Variants in OPRM1 observed in about 807,000 individuals in gnomAD.
OPRM1 encodes the protein opioid receptor mu 1, also known as mu-type opioid receptor.
Under a neutral mutation model 31.8 loss-of-function variants are expected in OPRM1, and 27 were observed. The observed-to-expected ratio is 0.85, with a 90% CI of 0.63 to 1.17. The LOEUF (loss-of-function observed/expected upper bound fraction) is 1.17. OPRM1 is among the 50% of genes most tolerant of loss of function. The probability of loss-of-function intolerance (pLI) is 0.00; values close to 1 mark genes in which losing one functional copy is unlikely to be tolerated. For synonymous variants in OPRM1, 196 were observed against 189.9 expected, an observed-to-expected ratio of 1.03 and a Z score of -0.26; for missense variants, 536 against 511.1, an observed-to-expected ratio of 1.05 and a Z score of -0.47.
At position 154,200,150 on chromosome 6, in the gene OPRM1, A is replaced by C. The variant is rs1011781400; in HGVS notation, c.1165-46543A>C. The C allele has an allele frequency of 6.1e-6, 6 of 987,710 alleles. No individual in the cohort carries two copies. The African/African-American group carries it at 9.9e-5, about 16-fold the overall frequency. 61.2% of individuals were successfully genotyped at this position (987,710 alleles called of 1,614,324 possible). A position where few individuals can be genotyped will look rare whatever the true frequency, so the allele number is the denominator to read the frequency against. The stretch of plus-strand genomic sequence containing the variant: ...TGTCCCCGTGTTATTTCAAAAAGTG[A>C]CCAATAATAAAAGAGTCAAAAGGTA... On this transcript the variant is annotated intron_variant, in intron 3 of 3. Transcript: ENST00000337049.
chr6:154,063,926 G>A (rs973824256), intron 1 of OPRM1, among the ~76,000 whole-genome samples: 3 of 152,002 alleles, frequency 2.0e-5, no homozygotes, highest in Non-Finnish European at 4.4e-5. Context: ...CTATGCTTTA[G>A]TAATTCTGAA....
chr6:154,066,408 T>A (rs1248105334), intron 1 of OPRM1, among the ~76,000 whole-genome samples: 2 of 152,116 alleles, frequency 1.3e-5, no homozygotes, highest in East Asian at 3.8e-4. Context: ...AGGGCTTTTG[T>A]TTATTGGGAG....
chr6:154,074,935 A>G (rs919007581), intron 1 of OPRM1, among the ~76,000 whole-genome samples: 13 of 152,152 alleles, frequency 8.5e-5, no homozygotes, highest in Admixed American at 8.5e-4. Context: ...GCAATATTGG[A>G]AGAAATAATA....
At chr6:154,234,872 A>T (rs994802437) in intron 3 of OPRM1, among the ~76,000 whole-genome samples, 3 of 152,198 alleles carry the variant, frequency 2.0e-5, no homozygotes, top group Non-Finnish European at 4.4e-5. Flanking sequence ...GGAAACCTCA[A>T]ATTTAAAAGA....
At chr6:154,050,641 G>A (rs753433395) in intron 1 of OPRM1, among the ~76,000 whole-genome samples, 1 of 151,868 alleles carries the variant, frequency 6.6e-6, no homozygotes, top group Admixed American at 6.6e-5. Context: ...GGAGGAGGTG[G>A]GGATTGCTAA....
rs985458873 is a variant in OPRM1 at position 154,126,636 on chromosome 6, G to C, written c.*7915G>C. Among the ~76,000 whole-genome samples, 5 of 152,118 alleles carry C rather than the reference G, an allele frequency of 3.3e-5. No individual in the cohort carries two copies. The highest frequency in any genetic ancestry group is 7.3e-5 in the Non-Finnish European group (5 of 68,028). On this transcript the variant is annotated 3_prime_UTR_variant, in exon 4 of 4. Transcript: ENST00000330432. ...TGTGACACCGAAACAACCAAGCCTA[G>C]AATCAGCTGGTGCCTCTTTTCATCT...
At chr6:154,078,534 A>T (rs1053706102) in intron 1 of OPRM1, among the ~76,000 whole-genome samples, 1 of 152,224 alleles carries the variant, frequency 6.6e-6, no homozygotes, top group African/African-American at 2.4e-5. Flanking sequence ...TGAAAAAGGA[A>T]AATGTTTTTA....
At chr6:154,231,760 T>G (rs1779740655) in intron 3 of OPRM1, among the ~76,000 whole-genome samples, 1 of 152,128 alleles carries the variant, frequency 6.6e-6, no homozygotes, top group South Asian at 2.1e-4. Flanking sequence ...AGAACAGAGA[T>G]GCGAAGGAGA....
chr6:154,123,785 A>T lies in OPRM1; in HGVS notation c.*5064A>T, dbSNP rs536328735. 6.6e-6 allele frequency among the ~76,000 whole-genome samples: 1 copy of T among 152,204 alleles called. No homozygotes were observed. The highest frequency in any genetic ancestry group is 2.4e-5 in the African/African-American group (1 of 41,460). ...GGTACTGGTGGGAATGTTTTTTAGC[A>T]TGCTAATGCAATATAATTAGTGTAT... On this transcript the variant is annotated 3_prime_UTR_variant, in exon 4 of 4. Transcript: ENST00000330432.
intron 3 of OPRM1, among the ~76,000 whole-genome samples, chr6:154,103,061 A>T (rs1166756820): frequency 1.3e-5 from 2 of 152,224 alleles, no homozygotes; most frequent in African/African-American, 2.4e-5. Flanking sequence ...TTAAAGGCCA[A>T]TAAAGATGAA....
At chr6:154,171,608 G>T (rs1032087544) in intron 3 of OPRM1, among the ~76,000 whole-genome samples, 1 of 152,176 alleles carries the variant, frequency 6.6e-6, no homozygotes, top group Non-Finnish European at 1.5e-5. Flanking sequence ...TTTCATGTGT[G>T]AATGTTATGG....
At chr6:154,038,249 T>A (rs745710052), upstream of OPRM1, among the ~76,000 whole-genome samples, 2 of 152,142 alleles carry the variant, frequency 1.3e-5, no homozygotes, top group Non-Finnish European at 2.9e-5. Flanking sequence ...TCAATGTTTA[T>A]GGTTAAAAGA....
At chr6:154,220,851 T>C (rs993432409) in intron 3 of OPRM1, among the ~76,000 whole-genome samples, 2 of 152,250 alleles carry the variant, frequency 1.3e-5, no homozygotes, top group African/African-American at 4.8e-5. Flanking sequence ...GGAGAGGTGA[T>C]AAATACGTGA....
chr6:154,119,241 G>A lies in OPRM1; in HGVS notation c.*520G>A. The A allele has an allele frequency of 1.0e-6, 1 of 985,314 alleles. No homozygotes were observed. The highest frequency in any genetic ancestry group is 1.2e-6 in the Non-Finnish European group (1 of 829,536). 61.0% of individuals were successfully genotyped at this position (985,314 alleles called of 1,614,324 possible). A position where few individuals can be genotyped will look rare whatever the true frequency, so the allele number is the denominator to read the frequency against. ...ACCTTAAAATTAGCATCTGGCTAAG[G>A]CATCATTTTCACCTCCATTTCTTGG... On this transcript the variant is annotated 3_prime_UTR_variant, in exon 4 of 4. Coordinates refer to ENST00000330432, the MANE Select transcript of OPRM1 (RefSeq NM_000914.5).
At chr6:154,221,474 C>A in intron 3 of OPRM1, 1 of 662,086 alleles carries the variant, frequency 1.5e-6, no homozygotes, top group Non-Finnish European at 2.6e-6. Flanking sequence ...ATATTAGATA[C>A]CTATTGTCTA....
intron 1 of OPRM1, among the ~76,000 whole-genome samples, chr6:154,027,613 G>C (rs192295865): frequency 7.9e-5 from 12 of 152,332 alleles, no homozygotes; most frequent in Admixed American, 5.9e-4. Flanking sequence ...TTGTCCAAGA[G>C]CCACGTTCTA....
At chr6:154,204,809 C>T (rs1777356338) in intron 3 of OPRM1, among the ~76,000 whole-genome samples, 1 of 152,172 alleles carries the variant, frequency 6.6e-6, no homozygotes, top group African/African-American at 2.4e-5. Flanking sequence ...GCAGAAAACC[C>T]TCTTATAACT....
At chr6:154,052,427 G>A (rs939295278) in intron 1 of OPRM1, among the ~76,000 whole-genome samples, 1 of 152,194 alleles carries the variant, frequency 6.6e-6, no homozygotes, top group African/African-American at 2.4e-5. Context: ...TGCTGTTGCA[G>A]CCTAGAGCAA....
At chr6:154,163,043 CA>C (rs562113040) in intron 3 of OPRM1, among the ~76,000 whole-genome samples, 269 of 152,340 alleles carry the variant, frequency 1.8e-3, no homozygotes, top group African/African-American at 6.3e-3. Flanking sequence ...CTACCACACC[CA>C]ATCCACCAGC....
Sources: gnomAD v4.1 joint callset for allele counts (sites outside exome capture counted in the v4.1 genomes callset) on GRCh38, gnomAD v4.1.1 for gene constraint, MANE v1.5 for transcripts, NCBI Gene and HGNC (gene_info 2026-07-23, HGNC 2026-07-21) for gene names.